HARS1: variants seen among roughly 807,000 people sequenced by gnomAD.
The protein encoded by HARS1 is histidyl-tRNA synthetase 1.
HARS1 carries 45 observed loss-of-function variants against 63.6 expected under a neutral mutation model. The observed-to-expected ratio is 0.71, with a 90% CI of 0.56 to 0.91. The LOEUF (loss-of-function observed/expected upper bound fraction) is 0.91, where lower values mean the gene tolerates loss of function less well. Among genes scored for constraint, HARS1 ranks in the 40% least tolerant of loss-of-function variants. The pLI, the probability that HARS1 is intolerant of heterozygous loss-of-function variation, is 0.00. For missense variants in HARS1, 508 were observed against 643.2 expected, an observed-to-expected ratio of 0.79 and a Z score of 2.27; for synonymous variants, 205 against 247.1, an observed-to-expected ratio of 0.83 and a Z score of 1.60.
chr5:140,677,776 G>C, intron 6 of HARS1, 23 bp from the exon 7 acceptor site: 3 of 1,513,530 alleles, frequency 2.0e-6, no homozygotes, highest in Non-Finnish European at 2.8e-6. Flanking sequence ...AATGCATAGT[G>C]AGGGGGGAAT....
chr5:140,679,376 C>A lies in HARS1; in HGVS notation c.397-249G>T. On this transcript the variant is annotated intron_variant, in intron 4 of 12. Transcript: ENST00000504156. The surrounding 1 kb of genome is among the most constrained non-coding windows in gnomAD (Gnocchi z 4.3). The stretch of plus-strand genomic sequence containing the variant: ...GGACTTTTTTGAGCATGGCAAGGGG[C>A]TGGGCAGGTTGGCCACAGACCAGAA... The A allele has an allele frequency of 2.2e-6, 1 of 450,836 alleles. No individual in the cohort carries two copies. Among genetic ancestry groups the A allele is most frequent in the Non-Finnish European group, 3.9e-6 (1 of 254,432 alleles). 27.9% of individuals were successfully genotyped at this position (450,836 alleles called of 1,614,324 possible).
In HARS1 at chr5:140,673,941, T is replaced by C; in HGVS notation, c.*316A>G. The C allele has an allele frequency of 1.8e-6, 1 of 559,204 alleles. No homozygotes were observed. Among genetic ancestry groups the C allele is most frequent in the Non-Finnish European group, 3.2e-6 (1 of 312,804 alleles). The allele number at this position is 559,204 out of a possible 1,614,324, so 34.6% of individuals were successfully genotyped here. On this transcript the variant is annotated 3_prime_UTR_variant, in exon 13 of 13. Transcript: ENST00000504156. Reference sequence around the variant, plus strand: ...GGCATTTTATTGGACCTTTGGCAATTGGTGGTGGGGAGGCATCTGCTCCAA... The same window carrying C: ...GGCATTTTATTGGACCTTTGGCAATCGGTGGTGGGGAGGCATCTGCTCCAA...
Position 140,679,625 on chromosome 5 carries a change from T to G in HARS1, c.396+163A>C. 1.8e-6 allele frequency: 1 copy of G among 550,922 alleles called. No individual in the cohort carries two copies. Among genetic ancestry groups the G allele is most frequent in the South Asian group, 2.5e-5 (1 of 39,256 alleles). The allele number at this position is 550,922 out of a possible 1,614,324, so 34.1% of individuals were successfully genotyped here. The stretch of plus-strand genomic sequence containing the variant: ...AGGATTCAGAAGATTTCTAAGGATG[T>G]GTATGCTCTGTTTAGCCAAAGTTCC... On this transcript the variant is annotated intron_variant, in intron 4 of 12. Transcript: ENST00000504156. This position sits in a 1 kb window ranked among gnomAD's most constrained non-coding sequence, Gnocchi z 4.3.
chr5:140,674,644 CT>C, intron 12 of HARS1, 34 bp downstream of exon 12: 1 of 1,613,126 alleles, frequency 6.2e-7, no homozygotes, highest in Non-Finnish European at 8.5e-7. Context: ...GGCATACATT[CT>C]CTGTCCCTTA....
At chr5:140,680,906 T>TAA (rs200910251) in intron 3 of HARS1, among the ~76,000 whole-genome samples, 20 of 150,154 alleles carry the variant, frequency 1.3e-4, no homozygotes, top group East Asian at 4.0e-4. Flanking sequence ...CTTTTTTTTT[T>TAA]TAAAAAAAAG....
rs1156642579 is a variant in HARS1, at chr5:140,678,811, T to C, written c.522+191A>G. The C allele has an allele frequency of 5.6e-6, 3 of 534,420 alleles. No homozygotes were observed. The African/African-American group carries it at 5.9e-5, about 10-fold the overall frequency. The allele number at this position is 534,420 out of a possible 1,614,324, so 33.1% of individuals were successfully genotyped here. Reference sequence around the variant, plus strand: ...GTGAGCCAAGACTGCACCACTGCACTCCAGCTTGGGCAACAGAGCGAGACT... The same window carrying C: ...GTGAGCCAAGACTGCACCACTGCACCCCAGCTTGGGCAACAGAGCGAGACT... On this transcript the variant is annotated intron_variant, in intron 5 of 12. Coordinates refer to ENST00000504156, the MANE Select transcript of HARS1 (RefSeq NM_002109.6).
chr5:140,691,250 G>T lies in HARS1; in HGVS notation c.55C>A (p.Arg19=). ...CTGGCCTTCTGCTGCTTGAGGCCTCGCACGCGCTCTCCCTGAAGTTTCACC... is the reference window on the plus strand; with the variant it reads ...CTGGCCTTCTGCTGCTTGAGGCCTCTCACGCGCTCTCCCTGAAGTTTCACC... ...ELVKLQGERV[R]GLKQQKASAE... is the part of the protein sequence containing the mutation. Residue 19 remains arginine, a synonymous_variant, in exon 1 of 13, where the codon CGA becomes AGA. Transcript: ENST00000504156. 1 of 1,608,104 alleles carries T rather than the reference G, an allele frequency of 6.2e-7. No homozygotes were observed.
At position 140,690,891 on chromosome 5, in the gene HARS1, A is replaced by G; in HGVS notation, c.144T>C (p.Asp48=). The G allele has an allele frequency of 5.0e-6, 8 of 1,610,176 alleles. No homozygotes were observed. Among genetic ancestry groups the G allele is most frequent in the Non-Finnish European group, 6.8e-6 (8 of 1,176,412 alleles). The part of the protein sequence containing the change: ...LLKLKAQLGP[D]ESKQKFVLKT... The stretch of plus-strand genomic sequence containing the variant: ...TGAGCACAAATTTCTGTTTGCTTTC[A>G]TCAGGACCCAGCTGTGCCTTCAGTT... The change falls in exon 2 of 13, where the codon GAT becomes GAC. Residue 48 remains aspartate (D), a synonymous_variant. Transcript: ENST00000504156.
At chr5:140,683,077 G>A (rs752653463) in intron 3 of HARS1, 23 bp downstream of exon 3, 13 of 1,609,468 alleles carry the variant, frequency 8.1e-6, no homozygotes, top group Non-Finnish European at 1.1e-5. Flanking sequence ...CTACCATGTA[G>A]TTTCTTCTTG....
intron 11 of HARS1, 57 bp from the exon 12 acceptor site, chr5:140,674,882 G>C (rs933547255): frequency 1.3e-6 from 2 of 1,592,400 alleles, no homozygotes; most frequent in African/African-American, 1.3e-5. Flanking sequence ...CAGGGACAGA[G>C]GGTGTCCAAG....
chr5:140,684,959 A>G (rs1017930931), intron 2 of HARS1: 4 of 152,218 alleles, frequency 2.6e-5, no homozygotes, highest in African/African-American at 7.2e-5. Context: ...CAGGATTCTC[A>G]TATGTGATTT....
chr5:140,676,850 C>G lies in HARS1; in HGVS notation c.998G>C (p.Gly333Ala). ...TAGCAGCACTGCCTCATAGATCACC[C>G]CAGTGTAGTAATCCAGCCCTCGAGC... ...SLARGLDYYT[G>A]VIYEAVLLQT... The change falls in exon 10 of 13, where the codon GGG (glycine) becomes GCG (alanine). Residue 333 changes from glycine to alanine, a missense_variant. Gly to Ala is a moderately conservative substitution (Grantham distance 60). This residue lies in a region of HARS1 where 403 missense variants were observed against 548.7 expected (regional missense o/e 0.73). Coordinates refer to ENST00000504156, the MANE Select transcript of HARS1 (RefSeq NM_002109.6). This position sits in a 1 kb window ranked among gnomAD's most constrained non-coding sequence, Gnocchi z 4.1. 1.2e-6 allele frequency: 2 copies of G among 1,614,164 alleles called. No homozygotes were observed. Among genetic ancestry groups the G allele is most frequent in the Non-Finnish European group, 1.7e-6 (2 of 1,180,004 alleles).
Position 140,676,459 on chromosome 5 carries a change from A to G in HARS1, c.1194+195T>C. 1.5e-6 allele frequency: 1 copy of G among 660,454 alleles called. No individual in the cohort carries two copies. The highest frequency in any genetic ancestry group is 1.9e-5 in the South Asian group (1 of 52,428). The allele number at this position is 660,454 out of a possible 1,614,324, so 40.9% of individuals were successfully genotyped here. ...AGACCCAGAGCAGAGGATTGAGTGC[A>G]GAAAGATTATGGATTAAAGATCCAT... On this transcript the variant is annotated intron_variant, in intron 10 of 12. Coordinates refer to ENST00000504156, the MANE Select transcript of HARS1 (RefSeq NM_002109.6). The surrounding 1 kb of genome is among the most constrained non-coding windows in gnomAD (Gnocchi z 4.1).
chr5:140,675,389 G>T, intron 10 of HARS1: 2 of 354,376 alleles, frequency 5.6e-6, no homozygotes, highest in Admixed American at 4.4e-5. Context: ...GTAACTTCAA[G>T]CTTATCTCCA....
intron 8 of HARS1, 77 bp downstream of exon 8, chr5:140,677,250 C>T (rs919776053): frequency 2.7e-5 from 37 of 1,391,398 alleles, no homozygotes; most frequent in Non-Finnish European, 2.3e-5. Context: ...CCCCTACATA[C>T]ATAACACAGA....
At chr5:140,685,536 A>G in intron 2 of HARS1, among the ~76,000 whole-genome samples, 1 of 151,916 alleles carries the variant, frequency 6.6e-6, no homozygotes, top group Admixed American at 6.6e-5. Context: ...CCTGGCCAAC[A>G]TGGTGAAACC....
intron 3 of HARS1, among the ~76,000 whole-genome samples, chr5:140,681,203 T>G (rs1345529292): frequency 6.6e-6 from 1 of 152,134 alleles, no homozygotes; most frequent in African/African-American, 2.4e-5. Flanking sequence ...CCTCCCCAAT[T>G]CATTTGTTTA....
chr5:140,680,879 T>C lies in HARS1; in HGVS notation c.301-996A>G, dbSNP rs1758685610. Among the ~76,000 whole-genome samples, 3 of 151,034 alleles carry C rather than the reference T, an allele frequency of 2.0e-5. No homozygotes were observed. In the South Asian group the frequency reaches 6.3e-4, roughly 32 times the overall value. On this transcript the variant is annotated intron_variant, in intron 3 of 12. Coordinates refer to ENST00000504156, the MANE Select transcript of HARS1 (RefSeq NM_002109.6). ...TTCCCCATAACATTTCAATATCTAA[T>C]ATTTAGGTATATAGCTCTTTTTTTT...
rs189624055 is a variant in HARS1 at position 140,677,437 on chromosome 5, C to T, written c.730-17G>A. The T allele has an allele frequency of 1.5e-3, 2,411 of 1,581,448 alleles. 6 individuals are homozygous for T. The highest frequency in any genetic ancestry group is 1.9e-3 in the Non-Finnish European group (2,193 of 1,150,236). On this transcript the variant is annotated splice_polypyrimidine_tract_variant and intron_variant, in intron 7 of 12. Coordinates refer to ENST00000504156, the MANE Select transcript of HARS1 (RefSeq NM_002109.6). ...CCAGGACACCTAGGCAGACAGACACCAGTCAGGGACCCCTGGGCAGCTTCC... is the reference window on the plus strand; with the variant it reads ...CCAGGACACCTAGGCAGACAGACACTAGTCAGGGACCCCTGGGCAGCTTCC...
Sources: gnomAD v4.1 joint callset for allele counts (sites outside exome capture counted in the v4.1 genomes callset) on GRCh38, gnomAD v4.1.1 for gene constraint, gnomAD v4.1.1 regional missense constraint, Gnocchi (gnomAD v3.1) non-coding constraint, MANE v1.5 for transcripts, NCBI Gene and HGNC (gene_info 2026-07-23, HGNC 2026-07-21) for gene names.